C11orf24: variants seen among roughly 807,000 people sequenced by gnomAD.
The protein encoded by C11orf24 is uncharacterized protein C11orf24.
Under a neutral mutation model 7.3 loss-of-function variants are expected in C11orf24, and 5 were observed. The observed-to-expected ratio is 0.69, with a 90% CI of 0.36 to 1.45. The LOEUF (loss-of-function observed/expected upper bound fraction) is 1.45, where lower values mean the gene tolerates loss of function less well. C11orf24 is among the 40% of genes most tolerant of loss of function. The pLI is 0.03. For synonymous variants in C11orf24, 233 were observed against 235.7 expected (o/e 0.99, Z 0.11); for missense variants, 566 against 590.5 (o/e 0.96, Z 0.43).
Position 68,263,010 on chromosome 11 carries a change from G to C in C11orf24, c.77-92C>G, listed in dbSNP as rs375208966. 6.3e-5 allele frequency: 77 copies of C among 1,230,194 alleles called. 1 individual carries two copies. In the South Asian group the frequency reaches 1.0e-3, roughly 16 times the overall value. The allele number at this position is 1,230,194 out of a possible 1,614,324, so 76.2% of individuals were successfully genotyped here. ...GGGATCGGCTTCCACCCAGGCCTGTGGGGCCCCCTCCTCAGCCCAGCCAGA... is the reference window on the plus strand; with the variant it reads ...GGGATCGGCTTCCACCCAGGCCTGTCGGGCCCCCTCCTCAGCCCAGCCAGA... On this transcript the variant is annotated intron_variant, in intron 3 of 3. Transcript: ENST00000304271.
Position 68,261,644 on chromosome 11 carries a change from C to A in C11orf24, c.*1G>T, listed in dbSNP as rs149266272. 1.3e-6 allele frequency: 2 copies of A among 1,597,464 alleles called. No homozygotes were observed. Among genetic ancestry groups the A allele is most frequent in the East Asian group, 2.3e-5 (1 of 44,404 alleles). On this transcript the variant is annotated 3_prime_UTR_variant, in exon 4 of 4. Coordinates refer to ENST00000304271, the MANE Select transcript of C11orf24 (RefSeq NM_022338.4). ...GGCCTCCCGCCAGGCCCCCGCCCCC[C>A]TCACATTTCTGAGTCCGCATACATC...
intron 1 of C11orf24, among the ~76,000 whole-genome samples, chr11:68,271,077 G>A (rs1405506530): frequency 6.6e-6 from 1 of 152,136 alleles, no homozygotes; most frequent in African/African-American, 2.4e-5. Flanking sequence ...ACATTCCTTT[G>A]TCCATTAGGC....
chr11:68,268,753 T>C (rs372952516), intron 1 of C11orf24, among the ~76,000 whole-genome samples: 6 of 152,300 alleles, frequency 3.9e-5, no homozygotes, highest in African/African-American at 1.2e-4. Context: ...TGCAGTTTCT[T>C]TTAAGGAAGC....
At chr11:68,265,821 T>A (rs930431038) in intron 2 of C11orf24, among the ~76,000 whole-genome samples, 5 of 152,220 alleles carry the variant, frequency 3.3e-5, no homozygotes, top group Non-Finnish European at 5.9e-5. Context: ...TTGGTTTGGT[T>A]TATTTGTTTT....
At chr11:68,263,175 C>T (rs1344496455) in intron 3 of C11orf24, 3 of 537,206 alleles carry the variant, frequency 5.6e-6, no homozygotes, top group South Asian at 2.4e-5. Context: ...TTGAAGGCTT[C>T]AGACCTTCAC....
Position 68,269,315 on chromosome 11 carries a change from AG to A in C11orf24, c.-297-1065del, listed in dbSNP as rs377191955. On this transcript the variant is annotated intron_variant, in intron 1 of 3. Transcript: ENST00000304271. ...TATATATCAGGAGAGACATTTTCCT[AG>A]GAGCCAACCAAAACTTCGGAGGAAT... 1.3e-3 allele frequency among the ~76,000 whole-genome samples: 198 copies of A among 152,348 alleles called. 1 individual carries two copies. Among genetic ancestry groups the A allele is most frequent in the African/African-American group, 4.7e-3 (194 of 41,574 alleles).
chr11:68,263,858 C>T lies in C11orf24; in HGVS notation c.-91G>A, dbSNP rs1321842209. The stretch of plus-strand genomic sequence containing the variant: ...CTGCTAATGGTTCCCTCCTGCTTGG[C>T]CAAGGGATCTGTGGTCAAGAAAGCA... On this transcript the variant is annotated 5_prime_UTR_variant, in exon 3 of 4. Coordinates refer to ENST00000304271, the MANE Select transcript of C11orf24 (RefSeq NM_022338.4). 8.0e-6 allele frequency: 9 copies of T among 1,119,842 alleles called. No homozygotes were observed. Among genetic ancestry groups the T allele is most frequent in the Non-Finnish European group, 1.0e-5 (8 of 766,380 alleles). 69.4% of individuals were successfully genotyped at this position (1,119,842 alleles called of 1,614,324 possible). A position where few individuals can be genotyped will look rare whatever the true frequency, so the allele number is the denominator to read the frequency against.
intron 3 of C11orf24, 96 bp from the exon 4 acceptor site, chr11:68,263,014 C>T (rs1308825534): frequency 1.7e-6 from 2 of 1,146,288 alleles, no homozygotes; most frequent in African/African-American, 3.1e-5. Flanking sequence ...GCCTGTGGGG[C>T]CCCCTCCTCA....
At chr11:68,269,654 G>A (rs2098566910) in intron 1 of C11orf24, among the ~76,000 whole-genome samples, 1 of 152,208 alleles carries the variant, frequency 6.6e-6, no homozygotes, top group South Asian at 2.1e-4. Flanking sequence ...ACATACACAT[G>A]CAAAATCACA....
Position 68,262,435 on chromosome 11 carries a change from G to A in C11orf24, c.560C>T (p.Ser187Phe). 6.2e-7 allele frequency: 1 copy of A among 1,614,190 alleles called. No individual in the cohort carries two copies. Among genetic ancestry groups the A allele is most frequent in the Non-Finnish European group, 8.5e-7 (1 of 1,180,032 alleles). Reference protein sequence around the residue: ...TPSTTATGHPSLSTALAQVPK... With the variant: ...TPSTTATGHPFLSTALAQVPK... ...CACTTGTGCGAGGGCTGTGCTGAGA[G>A]ATGGATGCCCAGTGGCGGTAGTGGA... is the stretch of plus-strand genomic sequence containing the variant. The change falls in exon 4 of 4, where the codon TCT (serine) becomes TTT (phenylalanine). Residue 187 changes from serine to phenylalanine, a missense_variant. Physicochemically the swap from Ser to Phe is radical, Grantham distance 155. Transcript: ENST00000304271.
intron 2 of C11orf24, among the ~76,000 whole-genome samples, chr11:68,264,513 T>TCCATCCATCCATCCATCCAC (rs2098563666): frequency 1.7e-4 from 23 of 136,566 alleles, no homozygotes; most frequent in South Asian, 2.6e-4. Flanking sequence ...CACTCATCCA[T>TCCATCCATCCATCCATCCAC]CCACCCACTC....
chr11:68,264,148 A>C (rs1414519059), intron 2 of C11orf24, among the ~76,000 whole-genome samples: 1 of 152,122 alleles, frequency 6.6e-6, no homozygotes, highest in Non-Finnish European at 1.5e-5. Flanking sequence ...GGAGCAGGAG[A>C]GAGGGCTAAG....
intron 2 of C11orf24, among the ~76,000 whole-genome samples, chr11:68,264,757 C>G (rs1432997371): frequency 8.5e-6 from 1 of 117,354 alleles, no homozygotes; most frequent in Non-Finnish European, 1.8e-5. Flanking sequence ...TTAGTGCTTT[C>G]TCATGTGCCA....
At chr11:68,263,476 C>T (rs2098562990) in intron 3 of C11orf24, 2 of 551,770 alleles carry the variant, frequency 3.6e-6, no homozygotes, top group South Asian at 2.4e-5. Flanking sequence ...GCGAGCAAAC[C>T]TTTCAGGGCT....
chr11:68,262,937 A>C lies in C11orf24; in HGVS notation c.77-19T>G. On this transcript the variant is annotated intron_variant, in intron 3 of 3. Coordinates refer to ENST00000304271, the MANE Select transcript of C11orf24 (RefSeq NM_022338.4). ...AAGTTGCCTTAAAGTCAGAAAAAGGAGAAAAAGAGAGACAATCATGTTCAA... is the reference window on the plus strand; with the variant it reads ...AAGTTGCCTTAAAGTCAGAAAAAGGCGAAAAAGAGAGACAATCATGTTCAA... 1 of 1,604,398 alleles carries C rather than the reference A, an allele frequency of 6.2e-7. No homozygotes were observed. The highest frequency in any genetic ancestry group is 1.7e-4 in the Middle Eastern group (1 of 6,030).
In C11orf24 at chr11:68,261,954, T is replaced by C. The variant is rs757939632; in HGVS notation, c.1041A>G (p.Val347=). 1.9e-6 allele frequency: 3 copies of C among 1,613,874 alleles called. No individual in the cohort carries two copies. In the Admixed American group the frequency reaches 5.0e-5, roughly 27 times the overall value. Residue 347 remains valine (V), a synonymous_variant, in exon 4 of 4, where the codon GTA becomes GTG. Coordinates refer to ENST00000304271, the MANE Select transcript of C11orf24 (RefSeq NM_022338.4). ...CAGTACCTGGTGTGGCTTCAGTCTC[T>C]ACCTGCTCCGGTGCCTGGGATGTGC... ...GPGTSQAPEQ[V]ETEATPGTDS...
At position 68,262,154 on chromosome 11, in the gene C11orf24, TTG is replaced by T. The variant is rs2098562102; in HGVS notation, c.839_840del (p.Thr280AsnfsTer36). ...TNKSTPMPSN[T>X]TPEPAPTPTV... is the part of the protein sequence containing the mutation. ...GTGGGGGTGGGGGCGGGCTCTGGGG[TTG>T]TGTTTGAGGGCATGGGTGTGGATTT... On this transcript the variant is annotated frameshift_variant, in exon 4 of 4. Coordinates refer to ENST00000304271, the MANE Select transcript of C11orf24 (RefSeq NM_022338.4). LOFTEE classifies it low-confidence loss of function (END_TRUNC). 1 of 1,613,074 alleles carries T rather than the reference TTG, an allele frequency of 6.2e-7. No homozygotes were observed. The highest frequency in any genetic ancestry group is 8.5e-7 in the Non-Finnish European group (1 of 1,179,728).
In C11orf24 at chr11:68,261,604, A is replaced by G; in HGVS notation, c.*41T>C. Reference sequence around the variant, plus strand: ...TTGGTCTCAAAGGCAAAAGGAAAGGACGAGGAAGGGGCCAGGCCTCCCGCC... The same window carrying G: ...TTGGTCTCAAAGGCAAAAGGAAAGGGCGAGGAAGGGGCCAGGCCTCCCGCC... On this transcript the variant is annotated 3_prime_UTR_variant, in exon 4 of 4. Coordinates refer to ENST00000304271, the MANE Select transcript of C11orf24 (RefSeq NM_022338.4). The G allele has an allele frequency of 6.5e-7, 1 of 1,546,008 alleles. No homozygotes were observed. The highest frequency in any genetic ancestry group is 1.9e-4 in the Middle Eastern group (1 of 5,312).
chr11:68,269,854 A>G (rs1354057063), intron 1 of C11orf24, among the ~76,000 whole-genome samples: 2 of 152,234 alleles, frequency 1.3e-5, no homozygotes, highest in Admixed American at 6.5e-5. Flanking sequence ...TCATTGTCCT[A>G]TGACTTCATC....
Sources: gnomAD v4.1 joint callset for allele counts (sites outside exome capture counted in the v4.1 genomes callset) on GRCh38, gnomAD v4.1.1 for gene constraint, MANE v1.5 for transcripts, NCBI Gene and HGNC (gene_info 2026-07-23, HGNC 2026-07-21) for gene names.